NFKBIA: variants seen among roughly 807,000 people sequenced by gnomAD.
The protein encoded by NFKBIA is NF-kappa-B inhibitor alpha.
Under a neutral mutation model 36.3 loss-of-function variants are expected in NFKBIA, and 10 were observed. That is an observed-to-expected ratio of 0.28 (90% CI 0.17 to 0.47). The LOEUF (loss-of-function observed/expected upper bound fraction) is 0.47, where lower values mean the gene tolerates loss of function less well. Among genes scored for constraint, NFKBIA ranks in the 20% least tolerant of loss-of-function variants. The pLI, the probability that NFKBIA is intolerant of heterozygous loss-of-function variation, is 0.99. For missense variants in NFKBIA, 355 were observed against 399.3 expected, an observed-to-expected ratio of 0.89 and a Z score of 0.94; for synonymous variants, 205 against 164.4, an observed-to-expected ratio of 1.25 and a Z score of -1.89.
At position 35,402,990 on chromosome 14, in the gene NFKBIA, T is replaced by C. The variant is rs538872866; in HGVS notation, c.548-131A>G. 2.5e-4 allele frequency: 311 copies of C among 1,236,706 alleles called. 4 individuals are homozygous for C. In the South Asian group the frequency reaches 3.7e-3, roughly 15 times the overall value. 76.6% of individuals were successfully genotyped at this position (1,236,706 alleles called of 1,614,324 possible). A position where few individuals can be genotyped will look rare whatever the true frequency, so the allele number is the denominator to read the frequency against. On this transcript the variant is annotated intron_variant, in intron 3 of 5. Coordinates refer to ENST00000216797, the MANE Select transcript of NFKBIA (RefSeq NM_020529.3). ...CACAGTCTGGGTTCTGAAAGAACTT[T>C]ATAAAGGCATCCAATAGGCACTTTG...
intron 2 of NFKBIA, 101 bp downstream of exon 2, chr14:35,403,589 T>G: frequency 1.1e-6 from 1 of 888,464 alleles, no homozygotes; most frequent in Non-Finnish European, 1.9e-6. Flanking sequence ...TGAGGGTAAA[T>G]AGTGCTCAGT....
chr14:35,403,187 C>T lies in NFKBIA; in HGVS notation c.510G>A (p.Pro170=), dbSNP rs748972316. The change falls in exon 3 of 6, where the codon CCG becomes CCA. Residue 170 remains proline, a synonymous_variant. Coordinates refer to ENST00000216797, the MANE Select transcript of NFKBIA (RefSeq NM_020529.3). Reference sequence around the variant, plus strand: ...TAGCCTTCAGGATGGAGTGGAGGTGCGGGGTGGTGCAGGACTGAGTCAGGA... The same window carrying T: ...TAGCCTTCAGGATGGAGTGGAGGTGTGGGGTGGTGCAGGACTGAGTCAGGA... ...VGVLTQSCTT[P]HLHSILKATN... The T allele has an allele frequency of 1.4e-5, 22 of 1,611,978 alleles. No homozygotes were observed. In the Admixed American group the frequency reaches 1.7e-4, roughly 12 times the overall value.
chr14:35,403,933 T>A, intron 1 of NFKBIA, 135 bp from the exon 2 acceptor site: 1 of 716,728 alleles, frequency 1.4e-6, no homozygotes, highest in Non-Finnish European at 2.5e-6. Context: ...GCGAGGTTAT[T>A]ATGAGCTGAG....
In NFKBIA at chr14:35,403,141, C is replaced by A. The variant is rs758955844; in HGVS notation, c.547+9G>T. 5.6e-6 allele frequency: 9 copies of A among 1,608,550 alleles called. No homozygotes were observed. The highest frequency in any genetic ancestry group is 1.3e-5 in the African/African-American group (1 of 74,728). On this transcript the variant is annotated intron_variant, in intron 3 of 5. Coordinates refer to ENST00000216797, the MANE Select transcript of NFKBIA (RefSeq NM_020529.3). The stretch of plus-strand genomic sequence containing the variant: ...GAGGGGGTGGGGCAGGGCAGGGAGG[C>A]AGACATACCATTGTAGTTGGTAGCC...
chr14:35,403,824 CA>C, intron 1 of NFKBIA, 26 bp from the exon 2 acceptor site: 1 of 1,570,530 alleles, frequency 6.4e-7, no homozygotes, highest in Non-Finnish European at 8.7e-7. Flanking sequence ...GGAAAAACCC[CA>C]GGGGTGGTGA....
Position 35,401,871 on chromosome 14 carries a change from A to G in NFKBIA, c.*142T>C, listed in dbSNP as rs1007439767. 4.4e-5 allele frequency: 39 copies of G among 891,610 alleles called. No homozygotes were observed. The highest frequency in any genetic ancestry group is 3.4e-4 in the Middle Eastern group (1 of 2,940). The allele number at this position is 891,610 out of a possible 1,614,324, so 55.2% of individuals were successfully genotyped here. On this transcript the variant is annotated 3_prime_UTR_variant, in exon 6 of 6. Transcript: ENST00000216797. ...CAAAATGAGGGCTGATCCTACCACAATAAGACGTTTTGGGCCAGGCAGTGT... is the reference window on the plus strand; with the variant it reads ...CAAAATGAGGGCTGATCCTACCACAGTAAGACGTTTTGGGCCAGGCAGTGT...
At position 35,402,053 on chromosome 14, in the gene NFKBIA, T is replaced by C. The variant is rs750102278; in HGVS notation, c.914A>G (p.Tyr305Cys). 3 of 1,614,132 alleles carry C rather than the reference T, an allele frequency of 1.9e-6. No individual in the cohort carries two copies. Among genetic ancestry groups the C allele is most frequent in the South Asian group, 1.1e-5 (1 of 91,090 alleles). ...FTEFTEDELP[Y>C]DDCVFGGQRL... ...CTGGCCTCCAAACACACAGTCATCA[T>C]AGGGCAGCTGAAAACAAGGGGAAAA... The change falls in exon 6 of 6, where the codon TAT (tyrosine) becomes TGT (cysteine). Residue 305 changes from tyrosine (Y) to cysteine (C), a missense_variant. Transcript: ENST00000216797.
chr14:35,404,319 G>C, intron 1 of NFKBIA, 99 bp downstream of exon 1: 2 of 878,912 alleles, frequency 2.3e-6, no homozygotes, highest in Non-Finnish European at 3.1e-6. Context: ...CTGCATCGCT[G>C]GTCCCCCGGC....
rs1406848304 is a variant in NFKBIA at position 35,404,523 on chromosome 14, T to G, written c.122A>C (p.Glu41Ala). ...DSGLDSMKDE[E>A]YEQMVKELQE... Reference sequence around the variant, plus strand: ...CAGCTCCTTGACCATCTGCTCGTACTCCTCGTCTTTCATGGAGTCCAGGCC... The same window carrying G: ...CAGCTCCTTGACCATCTGCTCGTACGCCTCGTCTTTCATGGAGTCCAGGCC... The change falls in exon 1 of 6, where the codon GAG becomes GCG. Residue 41 changes from glutamate (E) to alanine (A), a missense_variant. Physicochemically the swap from Glu to Ala is moderately radical, Grantham distance 107 (BLOSUM62 -1). Transcript: ENST00000216797. The G allele has an allele frequency of 1.2e-6, 2 of 1,604,174 alleles. No individual in the cohort carries two copies. Among genetic ancestry groups the G allele is most frequent in the Non-Finnish European group, 1.7e-6 (2 of 1,175,868 alleles).
rs753085459 is a variant in NFKBIA at position 35,404,528 on chromosome 14, G to C, written c.117C>G (p.Asp39Glu). 4.4e-6 allele frequency: 7 copies of C among 1,603,922 alleles called. No homozygotes were observed. In the Admixed American group the frequency reaches 8.5e-5, roughly 20 times the overall value. ...CCTTGACCATCTGCTCGTACTCCTC[G>C]TCTTTCATGGAGTCCAGGCCGCTGT... Reference protein sequence around the residue: ...RHDSGLDSMKDEEYEQMVKEL... With the variant: ...RHDSGLDSMKEEEYEQMVKEL... The change falls in exon 1 of 6, where the codon GAC becomes GAG. Residue 39 changes from aspartate to glutamate, a missense_variant. By Grantham distance (45) the Asp-to-Glu change is conservative. Coordinates refer to ENST00000216797, the MANE Select transcript of NFKBIA (RefSeq NM_020529.3).
chr14:35,402,127 G>C (rs1023854464), intron 5 of NFKBIA, 67 bp from the exon 6 acceptor site: 24 of 1,576,288 alleles, frequency 1.5e-5, no homozygotes, highest in Non-Finnish European at 1.9e-5. Context: ...TACCGGGATG[G>C]GGAGGCCACT....
Position 35,402,020 on chromosome 14 carries a change from G to C in NFKBIA, c.947C>G (p.Thr316Arg), listed in dbSNP as rs775963900. The change falls in exon 6 of 6, where the codon ACG (threonine) becomes AGG (arginine). Residue 316 changes from threonine to arginine, a missense_variant. By Grantham distance (71) the Thr-to-Arg change is moderately conservative (BLOSUM62 -1). Transcript: ENST00000216797. Reference protein sequence around the residue: ...DDCVFGGQRLTL With the variant: ...DDCVFGGQRLRL The stretch of plus-strand genomic sequence containing the variant: ...CTTTCAGCCCCTTTGCGCTCATAAC[G>C]TCAGACGCTGGCCTCCAAACACACA... 1 of 1,613,514 alleles carries C rather than the reference G, an allele frequency of 6.2e-7. No individual in the cohort carries two copies. The highest frequency in any genetic ancestry group is 1.1e-5 in the South Asian group (1 of 91,082).
rs1239660371 is a variant in NFKBIA, at chr14:35,404,456, C to T, written c.189G>A (p.Ser63=). The T allele has an allele frequency of 6.3e-7, 1 of 1,597,274 alleles. No individual in the cohort carries two copies. Among genetic ancestry groups the T allele is most frequent in the Non-Finnish European group, 8.5e-7 (1 of 1,172,854 alleles). Residue 63 remains serine, a synonymous_variant, in exon 1 of 6, where the codon TCG becomes TCA. Coordinates refer to ENST00000216797, the MANE Select transcript of NFKBIA (RefSeq NM_020529.3). ...RLEPQEVPRG[S]EPWKQQLTED... ...CGGTGAGCTGCTGCTTCCAGGGCTC[C>T]GAGCCGCGCGGCACCTCCTGCGGCT...
chr14:35,404,361 A>T lies in NFKBIA; in HGVS notation c.227+57T>A, dbSNP rs2233411. 111,482 of 419,330 alleles carry T rather than the reference A, an allele frequency of 0.27. 11,682 individuals are homozygous for T. The highest frequency in any genetic ancestry group is 0.3 in the Non-Finnish European group (72,595 of 239,150). 26.0% of individuals were successfully genotyped at this position (419,330 alleles called of 1,614,324 possible). A position where few individuals can be genotyped will look rare whatever the true frequency, so the allele number is the denominator to read the frequency against. ...TCCAGGCCCGGCGCCTCCCACCCCC[A>T]GGCCGCGCGCGTCCCGCCCTCCCGA... On this transcript the variant is annotated intron_variant, in intron 1 of 5. Coordinates refer to ENST00000216797, the MANE Select transcript of NFKBIA (RefSeq NM_020529.3).
chr14:35,402,386 A>C lies in NFKBIA; in HGVS notation c.906+8T>G, dbSNP rs1566589914. The C allele has an allele frequency of 2.5e-6, 4 of 1,614,180 alleles. No individual in the cohort carries two copies. Among genetic ancestry groups the C allele is most frequent in the Non-Finnish European group, 3.4e-6 (4 of 1,180,024 alleles). ...TAGTTAGAGCGCCGAAGGAGTTCAC[A>C]GACTCACCTCGTCCTCTGTGAACTC... On this transcript the variant is annotated splice_region_variant and intron_variant, in intron 5 of 5. Coordinates refer to ENST00000216797, the MANE Select transcript of NFKBIA (RefSeq NM_020529.3).
At position 35,404,717 on chromosome 14, in the gene NFKBIA, G is replaced by C. The variant is rs1372613093; in HGVS notation, c.-73C>G. The C allele has an allele frequency of 1.9e-5, 21 of 1,124,264 alleles. No homozygotes were observed. The highest frequency in any genetic ancestry group is 2.4e-5 in the Non-Finnish European group (21 of 867,430). 69.6% of individuals were successfully genotyped at this position (1,124,264 alleles called of 1,614,324 possible). ...CTGCGCGCTGCTTCCTCGCTGGGGC[G>C]CTGGCGGGCGGGACGGCGGCACGGA... On this transcript the variant is annotated 5_prime_UTR_variant, in exon 1 of 6. Transcript: ENST00000216797.
Position 35,403,733 on chromosome 14 carries a change from T to G in NFKBIA, c.293A>C (p.Lys98Thr), listed in dbSNP as rs2052754966. Residue 98 changes from lysine (K) to threonine (T), a missense_variant, in exon 2 of 6, where the codon AAG (lysine) becomes ACG (threonine). Transcript: ENST00000216797. ...GAAGTTGAGGAAGGCCAGGTCTCCC[T>G]TCACCTGGCGGATCACTTCCATGGT... is the stretch of plus-strand genomic sequence containing the variant. ...ALTMEVIRQV[K>T]GDLAFLNFQN... is the part of the protein sequence containing the mutation. 1 of 1,613,924 alleles carries G rather than the reference T, an allele frequency of 6.2e-7. No homozygotes were observed. Among genetic ancestry groups the G allele is most frequent in the South Asian group, 1.1e-5 (1 of 91,036 alleles).
intron 4 of NFKBIA, 43 bp downstream of exon 4, chr14:35,402,728 A>T (rs2138830973): frequency 6.2e-7 from 1 of 1,613,984 alleles, no homozygotes; most frequent in Non-Finnish European, 8.5e-7. Flanking sequence ...CAACATAAGC[A>T]CGAGGAGCCT....
intron 1 of NFKBIA, 193 bp from the exon 2 acceptor site, chr14:35,403,991 C>T: frequency 1.7e-6 from 1 of 605,452 alleles, no homozygotes; most frequent in Non-Finnish European, 3.0e-6. Context: ...CCCCCCGCGG[C>T]CCCGGCGGGC....
Sources: allele counts gnomAD v4.1 joint callset, GRCh38; gene constraint gnomAD v4.1.1; transcripts MANE v1.5; gene names NCBI Gene and HGNC (gene_info 2026-07-23, HGNC 2026-07-21).